Variants in H2BC18 observed in about 807,000 individuals in gnomAD.
The protein encoded by H2BC18 is histone H2B type 2-F.
In H2BC18, 8 loss-of-function variants were observed where a neutral mutation model predicts 6.3. The ratio of observed to expected loss-of-function variants is 1.28; its 90% CI spans 0.75 to 2.31. H2BC18 has a LOEUF of 2.31. Among genes scored for constraint, H2BC18 ranks in the 30% most tolerant of loss-of-function variants. The pLI, the probability that H2BC18 is intolerant of heterozygous loss-of-function variation, is 0.00. For missense variants in H2BC18, 106 were observed against 174.5 expected (o/e 0.61, Z 2.21); for synonymous variants, 104 against 78.1 (o/e 1.33, Z -1.75).
chr1:149,801,289 TC>T (rs1400024930), intron 1 of H2BC18, among the ~76,000 whole-genome samples: 2 of 150,226 alleles, frequency 1.3e-5, no homozygotes, highest in African/African-American at 5.0e-5. Context: ...CCATCTGCCA[TC>T]TTTGTCAATT....
At chr1:149,788,397 C>T in intron 1 of H2BC18, 1 of 1,613,482 alleles carries the variant, frequency 6.2e-7, no homozygotes, top group Non-Finnish European at 8.5e-7. Context: ...CCAGCAGAGT[C>T]TTCACGGAAG....
chr1:149,796,546 T>C (rs1417633894), intron 1 of H2BC18, among the ~76,000 whole-genome samples: 1 of 152,226 alleles, frequency 6.6e-6, no homozygotes, highest in Admixed American at 6.5e-5. Context: ...AAGTACCATC[T>C]TTATTTTAGA....
intron 1 of H2BC18, chr1:149,784,213 G>C (rs1553750534): frequency 5.0e-6 from 8 of 1,611,318 alleles, no homozygotes; most frequent in Middle Eastern, 2.3e-4. Flanking sequence ...TGCCAGAGAG[G>C]TCTCTCAGGG....
chr1:149,808,141 A>T (rs1366852634), downstream of H2BC18, among the ~76,000 whole-genome samples: 1 of 152,238 alleles, frequency 6.6e-6, no homozygotes, highest in African/African-American at 2.4e-5. Flanking sequence ...ATGGAATGAG[A>T]ATTCCATCTA....
chr1:149,803,376 T>C (rs1254099765), intron 1 of H2BC18, among the ~76,000 whole-genome samples: 1 of 152,230 alleles, frequency 6.6e-6, no homozygotes, highest in Non-Finnish European at 1.5e-5. Context: ...ACCTACCCTC[T>C]GGTAATTTGC....
At chr1:149,798,742 G>A (rs607424) in intron 1 of H2BC18, among the ~76,000 whole-genome samples, 1 of 152,058 alleles carries the variant, frequency 6.6e-6, no homozygotes, top group Non-Finnish European at 1.5e-5. Context: ...CTCCTAAGTA[G>A]CTGGGACTAC....
At position 149,802,886 on chromosome 1, in the gene H2BC18, G is replaced by A. The variant is rs1226033771; in HGVS notation, c.377+9061C>T. On this transcript the variant is annotated intron_variant, in intron 1 of 1. Coordinates refer to the H2BC18 transcript ENST00000545683. The stretch of plus-strand genomic sequence containing the variant: ...AGCCAGAACTCTGCAAGCCAGCTTA[G>A]CCCACCTTCTCTCTCCTGCTTTGTT... 2.6e-5 allele frequency among the ~76,000 whole-genome samples: 4 copies of A among 152,188 alleles called. No individual in the cohort carries two copies. The South Asian group carries it at 8.3e-4, about 31-fold the overall frequency.
At chr1:149,793,075 G>A (rs1361525367) in intron 1 of H2BC18, 24 of 1,274,980 alleles carry the variant, frequency 1.9e-5, no homozygotes, top group Non-Finnish European at 2.4e-5. Context: ...GGCCGTCTGT[G>A]GAGGTTGCAG....
chr1:149,808,179 A>C (rs1220094738), downstream of H2BC18, among the ~76,000 whole-genome samples: 4 of 152,248 alleles, frequency 2.6e-5, no homozygotes, highest in East Asian at 3.8e-4. Flanking sequence ...AAAAGTTGAA[A>C]GAGGTTACAG....
intron 1 of H2BC18, among the ~76,000 whole-genome samples, chr1:149,793,806 C>A (rs1286188471): frequency 1.3e-5 from 2 of 151,840 alleles, no homozygotes; most frequent in African/African-American, 4.9e-5. Flanking sequence ...AGTTCAGGCC[C>A]GTTTCAGAAC....
intron 1 of H2BC18, among the ~76,000 whole-genome samples, chr1:149,784,483 A>G (rs1261598462): frequency 2.0e-5 from 3 of 152,118 alleles, no homozygotes; most frequent in African/African-American, 7.2e-5. Context: ...GGATGTCTAG[A>G]GTAAGACTTA....
chr1:149,811,371 G>A (rs2101504151), downstream of H2BC18: 1 of 157,834 alleles, frequency 6.3e-6, no homozygotes, highest in South Asian at 1.7e-4. Context: ...TCACTGGAAT[G>A]GAAGTTAGGG....
In H2BC18 at chr1:149,792,787, G is replaced by A. The variant is rs1553752203; in HGVS notation, c.378-9527C>T. ...TTGCATTCCTGGAGGCTGCAGGAGC[G>A]AGAAATGAGCTGTAGGAGTCGGTGG... On this transcript the variant is annotated intron_variant, in intron 1 of 1. Coordinates refer to the H2BC18 transcript ENST00000545683. The A allele has an allele frequency of 7.0e-6, 9 of 1,279,610 alleles. 1 individual carries two copies. The highest frequency in any genetic ancestry group is 9.1e-6 in the Non-Finnish European group (9 of 983,794). 79.3% of individuals were successfully genotyped at this position (1,279,610 alleles called of 1,614,324 possible).
chr1:149,788,641 A>C, intron 1 of H2BC18: 1 of 1,613,872 alleles, frequency 6.2e-7, no homozygotes, highest in South Asian at 1.1e-5. Flanking sequence ...ATAGTCATAG[A>C]ACTGATAGTC....
chr1:149,791,455 G>A (rs2101413744), intron 1 of H2BC18: 3 of 1,608,160 alleles, frequency 1.9e-6, no homozygotes, highest in Middle Eastern at 2.3e-4. Context: ...GAAATGTCAG[G>A]AACAAAAAGA....
At chr1:149,803,865 T>C (rs587695521) in intron 1 of H2BC18, 1 of 152,362 alleles carries the variant, frequency 6.6e-6, no homozygotes, top group East Asian at 1.9e-4. Context: ...TGTTTGCCAC[T>C]CTTTGGACTG....
At chr1:149,806,531 T>A (rs587655537) in intron 1 of H2BC18, among the ~76,000 whole-genome samples, 1 of 151,630 alleles carries the variant, frequency 6.6e-6, no homozygotes, top group East Asian at 2.0e-4. Flanking sequence ...GAGGTTGCAG[T>A]GAGCCGAGAT....
At chr1:149,791,598 A>T in intron 1 of H2BC18, 1 of 1,554,930 alleles carries the variant, frequency 6.4e-7, no homozygotes, top group South Asian at 1.2e-5. Flanking sequence ...AAACATCCAA[A>T]AGTTCAACAA....
At chr1:149,785,453 G>A (rs1331568584) in intron 1 of H2BC18, among the ~76,000 whole-genome samples, 12 of 114,574 alleles carry the variant, frequency 1.0e-4, no homozygotes, top group South Asian at 3.1e-4. Context: ...GTCTCACTCC[G>A]TTGCCCAGGC....
Sources: allele counts gnomAD v4.1 joint callset (sites outside exome capture counted in the v4.1 genomes callset), GRCh38; gene constraint gnomAD v4.1.1; transcripts MANE v1.5; gene names NCBI Gene and HGNC (gene_info 2026-07-23, HGNC 2026-07-21).